The following SLC25A16 variants were observed in gnomAD, a reference collection of about 807,000 sequenced individuals.
SLC25A16 encodes solute carrier family 25 member 16, also known as mitochondrial coenzyme A transporter SLC25A16.
Under a neutral mutation model 41.5 loss-of-function variants are expected in SLC25A16, and 39 were observed. The ratio of observed to expected loss-of-function variants is 0.94; its 90% CI spans 0.73 to 1.23. SLC25A16 has a LOEUF of 1.23. Among genes scored for constraint, SLC25A16 ranks in the 50% most tolerant of loss-of-function variants. The probability of loss-of-function intolerance (pLI) is 0.00; values close to 1 mark genes in which losing one functional copy is unlikely to be tolerated. For missense variants in SLC25A16, 421 were observed against 426.9 expected, an observed-to-expected ratio of 0.99 and a Z score of 0.12; for synonymous variants, 146 against 147.8, an observed-to-expected ratio of 0.99 and a Z score of 0.09.
chr10:68,503,099 CATT>C (rs896121482), intron 4 of SLC25A16: 18 of 152,088 alleles, frequency 1.2e-4, no homozygotes, highest in African/African-American at 4.1e-4. Context: ...TTACTTTAGT[CATT>C]ATAATTCGTT....
chr10:68,516,916 G>T, intron 1 of SLC25A16, 73 bp from the exon 2 acceptor site: 2 of 1,266,808 alleles, frequency 1.6e-6, no homozygotes, highest in Non-Finnish European at 1.1e-6. Flanking sequence ...TAGTTGTTCA[G>T]CCAGCAAACC....
chr10:68,490,412 A>C (rs906975740), intron 6 of SLC25A16, among the ~76,000 whole-genome samples: 2 of 150,616 alleles, frequency 1.3e-5, no homozygotes, highest in African/African-American at 2.4e-5. Flanking sequence ...GTGCGATCTT[A>C]GCTCACTGCA....
Position 68,482,643 on chromosome 10 carries a change from G to C in SLC25A16, c.*789C>G, listed in dbSNP as rs1401142700. 2.0e-5 allele frequency: 3 copies of C among 152,042 alleles called. No individual in the cohort carries two copies. The highest frequency in any genetic ancestry group is 4.4e-5 in the Non-Finnish European group (3 of 68,006). The allele number at this position is 152,042 out of a possible 1,614,324, so 9.4% of individuals were successfully genotyped here. On this transcript the variant is annotated 3_prime_UTR_variant, in exon 9 of 9. Coordinates refer to ENST00000609923, the MANE Select transcript of SLC25A16 (RefSeq NM_152707.4). ...TATTTCTGCCTCTGGGAAACACACT[G>C]ACATTTTAAAACACATGTAAGTCAC... is the stretch of plus-strand genomic sequence containing the variant.
At chr10:68,506,563 G>A in intron 3 of SLC25A16, 22 bp downstream of exon 3, 1 of 1,531,164 alleles carries the variant, frequency 6.5e-7, no homozygotes, top group Non-Finnish European at 8.8e-7. Context: ...ACGCAAAAGA[G>A]AAAAGATCAA....
At chr10:68,512,763 A>C (rs2053088905) in intron 2 of SLC25A16, among the ~76,000 whole-genome samples, 1 of 151,446 alleles carries the variant, frequency 6.6e-6, no homozygotes, top group Non-Finnish European at 1.5e-5. Context: ...TGGGGCTGGA[A>C]GTGGTGGCTC....
chr10:68,485,911 C>T (rs1227497859), intron 8 of SLC25A16, among the ~76,000 whole-genome samples: 1 of 151,044 alleles, frequency 6.6e-6, no homozygotes, highest in Non-Finnish European at 1.5e-5. Flanking sequence ...GATTCTCCTG[C>T]CTCAGCCTCC....
intron 1 of SLC25A16, 136 bp downstream of exon 1, chr10:68,527,105 CAGCAG>C: frequency 2.3e-6 from 2 of 858,142 alleles, no homozygotes; most frequent in Non-Finnish European, 3.4e-6. Context: ...AAAGAGGTTA[CAGCAG>C]GTCAGGGCAG....
At chr10:68,508,666 C>T (rs1313670944) in intron 2 of SLC25A16, among the ~76,000 whole-genome samples, 2 of 151,632 alleles carry the variant, frequency 1.3e-5, no homozygotes, top group African/African-American at 4.8e-5. Flanking sequence ...TGCAGTGAGC[C>T]GAGATTGTGC....
rs940844496 is a variant in SLC25A16 at position 68,478,195 on chromosome 10, C to T, written c.*5237G>A. On this transcript the variant is annotated 3_prime_UTR_variant, in exon 9 of 9. Transcript: ENST00000609923. ...CAAGTAATTTAATCTCCCTAGGCCT[C>T]GATTATTCCCATCTGTCAAAAAGAA... 5 of 152,002 alleles carry T rather than the reference C, an allele frequency of 3.3e-5. No individual in the cohort carries two copies. The highest frequency in any genetic ancestry group is 1.2e-4 in the African/African-American group (5 of 41,382). The allele number at this position is 152,002 out of a possible 1,614,324, so 9.4% of individuals were successfully genotyped here.
At chr10:68,495,847 A>AGATATTT in intron 4 of SLC25A16, among the ~76,000 whole-genome samples, 2 of 151,876 alleles carry the variant, frequency 1.3e-5, no homozygotes, top group Non-Finnish European at 2.9e-5. Flanking sequence ...GTTTCAAATT[A>AGATATTT]GACTCTACTA....
intron 2 of SLC25A16, among the ~76,000 whole-genome samples, chr10:68,508,083 T>G (rs577436289): frequency 1.1e-3 from 162 of 151,758 alleles, no homozygotes; most frequent in Non-Finnish European, 1.8e-3. Flanking sequence ...ATACAAAAAT[T>G]AGGCAGGCAT....
chr10:68,523,953 G>C (rs1449680534), intron 1 of SLC25A16, among the ~76,000 whole-genome samples: 2 of 151,364 alleles, frequency 1.3e-5, no homozygotes, highest in East Asian at 3.9e-4. Context: ...ATAAAAATTA[G>C]GGCCAGGCAC....
intron 8 of SLC25A16, among the ~76,000 whole-genome samples, chr10:68,484,567 A>T (rs576811117): frequency 6.6e-6 from 1 of 151,646 alleles, no homozygotes; most frequent in East Asian, 1.9e-4. Context: ...CTGAGACTAC[A>T]GGCACACACC....
At chr10:68,514,341 C>A (rs2053122122) in intron 2 of SLC25A16, among the ~76,000 whole-genome samples, 1 of 151,952 alleles carries the variant, frequency 6.6e-6, no homozygotes, top group South Asian at 2.1e-4. Context: ...CTAAAAAATA[C>A]AAAAATTAGC....
chr10:68,505,707 C>G (rs2052939853), intron 3 of SLC25A16, among the ~76,000 whole-genome samples: 1 of 151,986 alleles, frequency 6.6e-6, no homozygotes, highest in African/African-American at 2.4e-5. Context: ...GCACTCCAGC[C>G]TAGGGAACAA....
In SLC25A16 at chr10:68,523,021, A is replaced by C. The variant is rs546756742; in HGVS notation, c.130+4225T>G. Among the ~76,000 whole-genome samples the C allele has an allele frequency of 1.3e-5, 2 of 152,094 alleles. 1 individual carries two copies. Among genetic ancestry groups the C allele is most frequent in the Admixed American group, 1.3e-4 (2 of 15,232 alleles). ...AGTGGAAATATTTTGGAACTACTCT[A>C]TATCTTGACTATGGTGGTCATTACA... On this transcript the variant is annotated intron_variant, in intron 1 of 8. Transcript: ENST00000609923.
At chr10:68,516,637 T>C (rs899161453) in intron 2 of SLC25A16, 114 bp downstream of exon 2, 2 of 638,016 alleles carry the variant, frequency 3.1e-6, no homozygotes, top group Non-Finnish European at 5.1e-6. Flanking sequence ...GGGAAAAAAG[T>C]TTTTAAAGAG....
chr10:68,484,734 G>A (rs1223962390), intron 8 of SLC25A16, among the ~76,000 whole-genome samples: 2 of 152,280 alleles, frequency 1.3e-5, no homozygotes, highest in East Asian at 3.9e-4. Flanking sequence ...AACAAGCACA[G>A]GGTAATGCTC....
intron 4 of SLC25A16, chr10:68,496,783 T>C: frequency 1.3e-6 from 1 of 742,488 alleles, no homozygotes; most frequent in Non-Finnish European, 1.6e-6. Flanking sequence ...AATTATTTAT[T>C]GTGTTCCAGA....
Sources: gnomAD v4.1 joint callset for allele counts (sites outside exome capture counted in the v4.1 genomes callset) on GRCh38, gnomAD v4.1.1 for gene constraint, MANE v1.5 for transcripts, NCBI Gene and HGNC (gene_info 2026-07-23, HGNC 2026-07-21) for gene names.